The following ANO3 variants were observed in gnomAD, a reference collection of about 807,000 sequenced individuals.
ANO3 encodes the protein anoctamin 3.
In ANO3, 99 loss-of-function variants were observed where a neutral mutation model predicts 144.8. The ratio of observed to expected loss-of-function variants is 0.68; its 90% CI spans 0.58 to 0.81. The LOEUF is 0.81. Ranked by LOEUF, ANO3 falls within the 30% of genes least tolerant of loss-of-function variation. The pLI, the probability that ANO3 is intolerant of heterozygous loss-of-function variation, is 0.00. For missense variants in ANO3, 905 were observed against 1,202.2 expected (o/e 0.75, Z 3.66); for synonymous variants, 414 against 392.6 (o/e 1.05, Z -0.64).
intron 1 of ANO3, among the ~76,000 whole-genome samples, chr11:26,381,607 C>T (rs116932522): frequency 0.011 from 1,661 of 152,250 alleles, 15 homozygotes; most frequent in Non-Finnish European, 0.018. Context: ...AGTACAATAC[C>T]TATCTCATAA....
rs1487072946 is a variant in ANO3, at chr11:26,516,909, A to G, written c.674A>G (p.Asn225Ser). The G allele has an allele frequency of 2.5e-6, 4 of 1,607,382 alleles. No individual in the cohort carries two copies. The East Asian group carries it at 8.9e-5, about 36-fold the overall frequency. ...DTLCKYAERL[N>S]IRMPFRKKCY... ...CTGTGCAAGTATGCAGAGAGGCTGA[A>G]TATCAGGATGCCCTTCAGGTACTTT... Residue 225 changes from asparagine to serine, a missense_variant, in exon 6 of 27, where the codon AAT becomes AGT. Asn to Ser is a conservative substitution (Grantham distance 46). Coordinates refer to ENST00000256737, the MANE Select transcript of ANO3 (RefSeq NM_031418.4).
At position 26,590,750 on chromosome 11, in the gene ANO3, T is replaced by G. The variant is rs111921430; in HGVS notation, c.1448-7615T>G. On this transcript the variant is annotated intron_variant, in intron 14 of 26. Coordinates refer to ENST00000256737, the MANE Select transcript of ANO3 (RefSeq NM_031418.4). ...GAGCGGCAAAGGGCGCCTCGCTGGA[T>G]CAGGAGCACAGCGGACACCCTGCTG... 2.5e-4 allele frequency among the ~76,000 whole-genome samples: 38 copies of G among 152,208 alleles called. 1 individual carries two copies. The highest frequency in any genetic ancestry group is 9.1e-4 in the African/African-American group (38 of 41,534).
At chr11:26,325,038 A>T (rs1490943374) in intron 1 of ANO3, among the ~76,000 whole-genome samples, 1 of 152,168 alleles carries the variant, frequency 6.6e-6, no homozygotes, top group African/African-American at 2.4e-5. Flanking sequence ...CACTAGAGTT[A>T]ACATGCAAAC....
At chr11:26,492,133 G>T (rs544361639) in intron 4 of ANO3, among the ~76,000 whole-genome samples, 1 of 152,186 alleles carries the variant, frequency 6.6e-6, no homozygotes, top group African/African-American at 2.4e-5. Context: ...TAGTTATCTA[G>T]AATTAAAATA....
chr11:26,640,444 C>G lies in ANO3; in HGVS notation c.2141+1203C>G, dbSNP rs1306495121. Among the ~76,000 whole-genome samples the G allele has an allele frequency of 2.0e-5, 3 of 152,248 alleles. No individual in the cohort carries two copies. In the East Asian group the frequency reaches 5.8e-4, roughly 29 times the overall value. ...GCCCAGTTCATTTGTGGTGTTCCTT[C>G]CTATTCTTGGGTCACTTCTTTAAAA... On this transcript the variant is annotated intron_variant, in intron 21 of 26. Transcript: ENST00000256737.
chr11:26,226,398 T>A (rs1053296060), intron 1 of ANO3, among the ~76,000 whole-genome samples: 15 of 152,158 alleles, frequency 9.9e-5, no homozygotes, highest in East Asian at 3.8e-4. Flanking sequence ...ACATATTTTC[T>A]GTTAAAGATT....
intron 3 of ANO3, among the ~76,000 whole-genome samples, chr11:26,455,712 GA>G (rs202023310): frequency 0.2 from 30,307 of 150,060 alleles, 4,004 homozygotes; most frequent in East Asian, 0.54. Flanking sequence ...CACAGAATTG[GA>G]AAAAAACTAC....
At chr11:26,308,446 A>G (rs7945792), upstream of ANO3, among the ~76,000 whole-genome samples, 1,251 of 152,362 alleles carry the variant, frequency 8.2e-3, 15 homozygotes, top group African/African-American at 0.028. Flanking sequence ...AGTAGACTGC[A>G]CATCATTATT....
At chr11:26,314,492 C>A (rs1043825620) in intron 1 of ANO3, among the ~76,000 whole-genome samples, 1 of 152,044 alleles carries the variant, frequency 6.6e-6, no homozygotes, top group South Asian at 2.1e-4. Context: ...TACAAAATTC[C>A]TGTGGCCAAA....
At chr11:26,414,058 C>T (rs1456614710) in intron 1 of ANO3, among the ~76,000 whole-genome samples, 1 of 151,966 alleles carries the variant, frequency 6.6e-6, no homozygotes, top group Non-Finnish European at 1.5e-5. Context: ...TCATGCCAGT[C>T]AGAATTGCGA....
chr11:26,455,092 T>C (rs1419753277), intron 3 of ANO3, among the ~76,000 whole-genome samples: 5 of 152,094 alleles, frequency 3.3e-5, no homozygotes, highest in African/African-American at 7.2e-5. Context: ...TAAGAGCTAT[T>C]TATGACAGAC....
intron 3 of ANO3, among the ~76,000 whole-genome samples, chr11:26,450,240 GGT>G (rs1210752233): frequency 6.6e-6 from 1 of 152,158 alleles, no homozygotes; most frequent in African/African-American, 2.4e-5. Flanking sequence ...TGGGTGGATG[GGT>G]GAGGATTGGA....
At chr11:26,535,823 T>G (rs1337903940) in intron 9 of ANO3, among the ~76,000 whole-genome samples, 2 of 151,464 alleles carry the variant, frequency 1.3e-5, no homozygotes, top group Non-Finnish European at 3.0e-5. Flanking sequence ...GACCTGGTGA[T>G]CTGCCCGCCT....
chr11:26,305,150 T>C (rs913214480), upstream of ANO3, among the ~76,000 whole-genome samples: 20 of 144,198 alleles, frequency 1.4e-4, no homozygotes, highest in Non-Finnish European at 2.1e-4. Context: ...ATTAGCTCCC[T>C]ACAAGGCAAA....
intron 1 of ANO3, among the ~76,000 whole-genome samples, chr11:26,296,658 A>G (rs879673317): frequency 1.3e-5 from 2 of 152,314 alleles, no homozygotes; most frequent in Admixed American, 6.5e-5. Context: ...CAGGTGAGAC[A>G]TGGGAGATAC....
intron 1 of ANO3, among the ~76,000 whole-genome samples, chr11:26,231,142 G>T (rs567740252): frequency 1.3e-5 from 2 of 152,208 alleles, no homozygotes; most frequent in African/African-American, 2.4e-5. Flanking sequence ...CTCCCAAAGT[G>T]CTGGGATTAC....
intron 3 of ANO3, among the ~76,000 whole-genome samples, chr11:26,456,738 G>C (rs1317603325): frequency 8.0e-6 from 1 of 125,030 alleles, no homozygotes; most frequent in African/African-American, 3.2e-5. Context: ...TATACCCAAA[G>C]GACTATAAAT....
chr11:26,404,434 G>C (rs1287890128), intron 1 of ANO3, among the ~76,000 whole-genome samples: 4 of 151,612 alleles, frequency 2.6e-5, no homozygotes, highest in Non-Finnish European at 5.9e-5. Flanking sequence ...CTCCTTATCT[G>C]GTTCACAGAA....
At position 26,200,413 on chromosome 11, in the gene ANO3, C is replaced by G. The variant is rs142487253; in HGVS notation, c.154+11083C>G. On this transcript the variant is annotated intron_variant, in intron 1 of 27. Coordinates refer to the ANO3 transcript ENST00000672621. The stretch of plus-strand genomic sequence containing the variant: ...TGGCACAGGTGTATAGTTGGTCACT[C>G]TATTATAATCTTTATCATATGCTAT... Among the ~76,000 whole-genome samples the G allele has an allele frequency of 2.3e-3, 347 of 152,194 alleles. 3 individuals are homozygous for G. Among genetic ancestry groups the G allele is most frequent in the African/African-American group, 8.0e-3 (332 of 41,538 alleles).
Sources: allele counts gnomAD v4.1 joint callset (sites outside exome capture counted in the v4.1 genomes callset), GRCh38; gene constraint gnomAD v4.1.1; transcripts MANE v1.5; gene names NCBI Gene and HGNC (gene_info 2026-07-23, HGNC 2026-07-21).